Variants in DEPDC1B observed in about 807,000 individuals in gnomAD.
DEPDC1B encodes DEP domain-containing protein 1B.
In DEPDC1B, 51 loss-of-function variants were observed where a neutral mutation model predicts 66.5. The observed-to-expected ratio is 0.77, with a 90% confidence interval of 0.61 to 0.97. The LOEUF (loss-of-function observed/expected upper bound fraction) is 0.97. Among genes scored for constraint, DEPDC1B ranks in the 50% least tolerant of loss-of-function variants. DEPDC1B has a pLI of 0.00. For synonymous variants in DEPDC1B, 226 were observed against 223.6 expected (o/e 1.01, Z -0.10); for missense variants, 552 against 637.1 (o/e 0.87, Z 1.44).
intron 1 of DEPDC1B, among the ~76,000 whole-genome samples, chr5:60,695,288 T>C (rs1280993978): frequency 6.6e-6 from 1 of 152,156 alleles, no homozygotes; most frequent in East Asian, 1.9e-4. Flanking sequence ...GCTCAGTTTC[T>C]GGTGAGGCCT....
chr5:60,662,834 C>G (rs1001445303), intron 2 of DEPDC1B, among the ~76,000 whole-genome samples: 1 of 152,068 alleles, frequency 6.6e-6, no homozygotes, highest in Non-Finnish European at 1.5e-5. Context: ...TCACAGAGCC[C>G]CAGGTATGCT....
At chr5:60,608,170 G>A (rs540115308) in intron 7 of DEPDC1B, among the ~76,000 whole-genome samples, 2 of 152,116 alleles carry the variant, frequency 1.3e-5, no homozygotes, top group Non-Finnish European at 2.9e-5. Flanking sequence ...GTAATAACTA[G>A]TTAAATTCTC....
intron 7 of DEPDC1B, among the ~76,000 whole-genome samples, chr5:60,629,469 G>A (rs1377910842): frequency 6.6e-6 from 1 of 152,194 alleles, no homozygotes; most frequent in Non-Finnish European, 1.5e-5. Flanking sequence ...ACACTGTGTA[G>A]TAGTGTAATA....
At chr5:60,651,351 A>T (rs1032562048) in intron 2 of DEPDC1B, among the ~76,000 whole-genome samples, 7 of 152,110 alleles carry the variant, frequency 4.6e-5, no homozygotes, top group Non-Finnish European at 8.8e-5. Flanking sequence ...AACATCGTGA[A>T]ATCTCGTCTC....
intron 2 of DEPDC1B, among the ~76,000 whole-genome samples, chr5:60,664,996 G>A (rs572184689): frequency 9.9e-5 from 15 of 152,232 alleles, no homozygotes; most frequent in African/African-American, 3.1e-4. Flanking sequence ...AGAAAGGAAA[G>A]GGAAATAGAA....
chr5:60,646,301 G>C (rs1753314449), intron 3 of DEPDC1B, among the ~76,000 whole-genome samples: 1 of 152,116 alleles, frequency 6.6e-6, no homozygotes, highest in Non-Finnish European at 1.5e-5. Flanking sequence ...ATCTACCTTT[G>C]CTTATATATT....
At chr5:60,666,394 T>C (rs528357488) in intron 2 of DEPDC1B, among the ~76,000 whole-genome samples, 38 of 152,310 alleles carry the variant, frequency 2.5e-4, no homozygotes, top group African/African-American at 8.2e-4. Flanking sequence ...AACAAAAGGC[T>C]TGCTGCCATC....
chr5:60,615,244 G>T (rs1028083878), intron 7 of DEPDC1B, among the ~76,000 whole-genome samples: 8 of 152,166 alleles, frequency 5.3e-5, no homozygotes, highest in Non-Finnish European at 1.2e-4. Flanking sequence ...GGTGATTTCT[G>T]CATTTCCAAC....
chr5:60,654,712 A>G (rs1435969041), intron 2 of DEPDC1B, among the ~76,000 whole-genome samples: 1 of 148,760 alleles, frequency 6.7e-6, no homozygotes, highest in African/African-American at 2.5e-5. Flanking sequence ...TCCAGTTCTC[A>G]GGGGGAATGC....
chr5:60,698,608 A>G (rs950034501), intron 1 of DEPDC1B, among the ~76,000 whole-genome samples: 2 of 152,190 alleles, frequency 1.3e-5, no homozygotes, highest in African/African-American at 2.4e-5. Context: ...GGATGAGCAA[A>G]TAAAATGCTT....
Position 60,638,824 on chromosome 5 carries a change from A to G in DEPDC1B, c.824T>C (p.Ile275Thr), listed in dbSNP as rs1460648454. ...TTTCAAGTGACCATAGTAATCAGCT[A>G]TGGTTTTAAAGACATCTTTTTCAAA... The part of the protein sequence containing the change: ...LGFEKDVFKT[I>T]ADYYGHLKEP... The change falls in exon 7 of 11, where the codon ATA becomes ACA. Residue 275 changes from isoleucine (I) to threonine (T), a missense_variant. Coordinates refer to ENST00000265036, the MANE Select transcript of DEPDC1B (RefSeq NM_018369.3). 6.2e-7 allele frequency: 1 copy of G among 1,613,332 alleles called. No homozygotes were observed. The highest frequency in any genetic ancestry group is 1.7e-5 in the Admixed American group (1 of 59,936).
intron 7 of DEPDC1B, among the ~76,000 whole-genome samples, chr5:60,608,642 G>T (rs1027336347): frequency 1.5e-5 from 1 of 66,682 alleles, no homozygotes. Flanking sequence ...AGTACCTCAG[G>T]GCTGTAAAAT....
At chr5:60,684,342 T>A (rs1203401613) in intron 2 of DEPDC1B, among the ~76,000 whole-genome samples, 1 of 152,110 alleles carries the variant, frequency 6.6e-6, no homozygotes, top group East Asian at 1.9e-4. Context: ...CTACCTGACA[T>A]CAAAATATAC....
At chr5:60,684,041 A>C (rs950182095) in intron 2 of DEPDC1B, among the ~76,000 whole-genome samples, 5 of 152,160 alleles carry the variant, frequency 3.3e-5, no homozygotes, top group African/African-American at 1.2e-4. Flanking sequence ...AAATTTAACA[A>C]GGAAGTGAAA....
At chr5:60,666,608 G>A (rs1205856609) in intron 2 of DEPDC1B, among the ~76,000 whole-genome samples, 1 of 152,152 alleles carries the variant, frequency 6.6e-6, no homozygotes, top group Non-Finnish European at 1.5e-5. Context: ...CAAGATTCCT[G>A]TGATGTGATC....
intron 1 of DEPDC1B, among the ~76,000 whole-genome samples, chr5:60,699,362 C>T (rs1754724017): frequency 6.7e-6 from 1 of 149,194 alleles, no homozygotes; most frequent in Non-Finnish European, 1.5e-5. Context: ...AAACTTGCCA[C>T]AGACATTACC....
intron 7 of DEPDC1B, 138 bp downstream of exon 7, chr5:60,638,612 T>C: frequency 3.5e-6 from 3 of 860,516 alleles, no homozygotes; most frequent in Non-Finnish European, 5.1e-6. Context: ...AGAGCAAGAC[T>C]CTAGCTATGC....
chr5:60,684,413 A>G (rs1754364448), intron 2 of DEPDC1B, among the ~76,000 whole-genome samples: 2 of 152,196 alleles, frequency 1.3e-5, no homozygotes, highest in South Asian at 4.1e-4. Flanking sequence ...AAACCAAAGG[A>G]ACAGAAAAAA....
At chr5:60,644,660 TA>T in intron 5 of DEPDC1B, 84 bp downstream of exon 5, 1 of 1,163,334 alleles carries the variant, frequency 8.6e-7, no homozygotes, top group South Asian at 2.0e-5. Context: ...ATTCAGGGTT[TA>T]GGGAAGGGTC....
Sources: allele counts gnomAD v4.1 joint callset (sites outside exome capture counted in the v4.1 genomes callset), GRCh38; gene constraint gnomAD v4.1.1; transcripts MANE v1.5; gene names NCBI Gene and HGNC (gene_info 2026-07-23, HGNC 2026-07-21).